Variants in ASB15 observed in about 807,000 individuals in gnomAD.
The protein encoded by ASB15 is ankyrin repeat and SOCS box containing 15, also known as ankyrin repeat and SOCS box protein 15.
In ASB15, 54 loss-of-function variants were observed where a neutral mutation model predicts 58.0. That is an observed-to-expected ratio of 0.93 (90% CI 0.75 to 1.17). ASB15 has a LOEUF of 1.17. Among genes scored for constraint, ASB15 ranks in the 50% most tolerant of loss-of-function variants. The probability of loss-of-function intolerance (pLI) is 0.00; values close to 1 mark genes in which losing one functional copy is unlikely to be tolerated. For missense variants in ASB15, 680 were observed against 707.4 expected (o/e 0.96, Z 0.44); for synonymous variants, 249 against 262.4 (o/e 0.95, Z 0.50).
chr7:123,637,377 A>G lies in ASB15; in HGVS notation c.*396A>G, dbSNP rs952051586. On this transcript the variant is annotated 3_prime_UTR_variant, in exon 12 of 12. Coordinates refer to ENST00000451215, the MANE Select transcript of ASB15 (RefSeq NM_001290258.2). ...AAGAGCTCCTCCTGCCTGTAAGTTC[A>G]CAGACTGTGATCTGGCATCTGACCC... 1.3e-5 allele frequency: 2 copies of G among 156,220 alleles called. No individual in the cohort carries two copies. Among genetic ancestry groups the G allele is most frequent in the African/African-American group, 4.8e-5 (2 of 41,476 alleles). The allele number at this position is 156,220 out of a possible 1,614,324, so 9.7% of individuals were successfully genotyped here. A position where few individuals can be genotyped will look rare whatever the true frequency, so the allele number is the denominator to read the frequency against.
At chr7:123,613,202 A>G (rs1800573706) in intron 3 of ASB15, among the ~76,000 whole-genome samples, 1 of 152,192 alleles carries the variant, frequency 6.6e-6, no homozygotes, top group Non-Finnish European at 1.5e-5. Flanking sequence ...GTTAGCAGGT[A>G]TAGAGTTTGA....
chr7:123,614,428 C>A, intron 3 of ASB15, 73 bp from the exon 4 acceptor site: 1 of 871,630 alleles, frequency 1.1e-6, no homozygotes, highest in East Asian at 2.6e-5. Context: ...ATGCATTTTT[C>A]ATGTTTACTC....
intron 7 of ASB15, among the ~76,000 whole-genome samples, chr7:123,623,929 AG>A (rs1801540857): frequency 4.4e-5 from 1 of 22,474 alleles, no homozygotes; most frequent in Non-Finnish European, 8.3e-5. Flanking sequence ...GAAGAAAGAA[AG>A]AAAAGAAAGA....
At chr7:123,607,491 CT>C (rs1013377376) in intron 2 of ASB15, among the ~76,000 whole-genome samples, 1 of 151,946 alleles carries the variant, frequency 6.6e-6, no homozygotes, top group Non-Finnish European at 1.5e-5. Flanking sequence ...TATTTATTTA[CT>C]TATTTAGTTT....
intron 1 of ASB15, among the ~76,000 whole-genome samples, chr7:123,573,292 T>TC (rs1224223820): frequency 4.0e-5 from 6 of 151,146 alleles, no homozygotes; most frequent in African/African-American, 1.5e-4. Context: ...GATTTGCTTT[T>TC]TTTTTTTTTT....
chr7:123,600,960 T>C (rs530456671), upstream of ASB15, among the ~76,000 whole-genome samples: 69 of 152,220 alleles, frequency 4.5e-4, no homozygotes, highest in African/African-American at 1.5e-3. Context: ...AATGAGGGTT[T>C]GTAAAATAAG....
At chr7:123,588,083 T>C (rs1248643511) in intron 1 of ASB15, among the ~76,000 whole-genome samples, 1 of 151,838 alleles carries the variant, frequency 6.6e-6, no homozygotes, top group Non-Finnish European at 1.5e-5. Context: ...CCTCTTCAAC[T>C]TTTTGCAAGA....
intron 1 of ASB15, among the ~76,000 whole-genome samples, chr7:123,569,096 T>G (rs1480829881): frequency 6.6e-6 from 1 of 152,178 alleles, no homozygotes; most frequent in Non-Finnish European, 1.5e-5. Flanking sequence ...TGAAGTTTAG[T>G]CTGTATCAGA....
At chr7:123,626,728 T>G (rs536068331) in intron 8 of ASB15, among the ~76,000 whole-genome samples, 64 of 151,744 alleles carry the variant, frequency 4.2e-4, no homozygotes, top group Non-Finnish European at 6.9e-4. Context: ...TTTGTGGGGG[T>G]TTTTTGTTTG....
rs1799615385 is a variant in ASB15 at position 123,593,756 on chromosome 7, C to T, written c.-442-10276C>T. Among the ~76,000 whole-genome samples the T allele has an allele frequency of 7.2e-5, 11 of 152,026 alleles. No homozygotes were observed. The South Asian group carries it at 2.3e-3, about 31-fold the overall frequency. On this transcript the variant is annotated intron_variant, in intron 1 of 13. Coordinates refer to the ASB15 transcript ENST00000451558. The stretch of plus-strand genomic sequence containing the variant: ...TTGGTGAATCTGAACACTTATGTGT[C>T]TTGGGGTTGCTCTTCTCGAGGAATA...
chr7:123,600,051 G>A (rs1226922719), upstream of ASB15, among the ~76,000 whole-genome samples: 1 of 152,180 alleles, frequency 6.6e-6, no homozygotes, highest in East Asian at 1.9e-4. Flanking sequence ...CTCAAAGTAT[G>A]TCTTATTGTG....
chr7:123,578,057 G>T (rs1332144771), intron 1 of ASB15, among the ~76,000 whole-genome samples: 2 of 147,734 alleles, frequency 1.4e-5, no homozygotes, highest in Admixed American at 6.8e-5. Flanking sequence ...CCCACCCCAT[G>T]ACAGGCCCCG....
chr7:123,597,765 A>T (rs1285111790), upstream of ASB15, among the ~76,000 whole-genome samples: 1 of 152,182 alleles, frequency 6.6e-6, no homozygotes, highest in Non-Finnish European at 1.5e-5. Context: ...CAGGAGGCAG[A>T]GGTTGCAGTG....
At chr7:123,593,651 TA>T (rs1187722548) in intron 1 of ASB15, among the ~76,000 whole-genome samples, 1 of 152,216 alleles carries the variant, frequency 6.6e-6, no homozygotes, top group African/African-American at 2.4e-5. Context: ...GATCCACTGT[TA>T]AGTCTGATGG....
chr7:123,615,029 C>A (rs1263662652), intron 4 of ASB15, among the ~76,000 whole-genome samples: 1 of 152,078 alleles, frequency 6.6e-6, no homozygotes, highest in East Asian at 1.9e-4. Context: ...GTAACGTATT[C>A]CATTGTTGTA....
upstream of ASB15, among the ~76,000 whole-genome samples, chr7:123,598,168 A>G (rs1799759950): frequency 6.6e-6 from 1 of 152,100 alleles, no homozygotes; most frequent in South Asian, 2.1e-4. Flanking sequence ...GGTTTCCCTC[A>G]TGTCCATTTT....
intron 9 of ASB15, 50 bp downstream of exon 9, chr7:123,627,331 T>C (rs374993508): frequency 1.8e-5 from 26 of 1,457,412 alleles, no homozygotes; most frequent in Non-Finnish European, 2.4e-5. Context: ...TGCTAATTTG[T>C]ATATACAGTA....
chr7:123,592,271 G>A (rs572212148), intron 1 of ASB15, among the ~76,000 whole-genome samples: 23 of 151,366 alleles, frequency 1.5e-4, no homozygotes, highest in Admixed American at 1.3e-3. Flanking sequence ...TTGATTTTTT[G>A]TGTCTCTGTC....
intron 2 of ASB15, among the ~76,000 whole-genome samples, chr7:123,604,599 G>A (rs1309587902): frequency 1.3e-5 from 2 of 151,344 alleles, no homozygotes; most frequent in Non-Finnish European, 2.9e-5. Flanking sequence ...AAAAAATGCT[G>A]GCTAAAGAAG....
Sources: allele counts gnomAD v4.1 joint callset (sites outside exome capture counted in the v4.1 genomes callset), GRCh38; gene constraint gnomAD v4.1.1; transcripts MANE v1.5; gene names NCBI Gene and HGNC (gene_info 2026-07-23, HGNC 2026-07-21).